Variants in PGAP1 observed in about 807,000 individuals in gnomAD.
The protein encoded by PGAP1 is post-GPI attachment to proteins inositol deacylase 1, also known as GPI inositol-deacylase.
In PGAP1, 76 loss-of-function variants were observed where a neutral mutation model predicts 127.0. That is an observed-to-expected ratio of 0.60 (90% CI 0.50 to 0.72). The LOEUF is 0.72. Ranked by LOEUF, PGAP1 falls within the 30% of genes least tolerant of loss-of-function variation. The probability of loss-of-function intolerance (pLI) is 0.00; values close to 1 mark genes in which losing one functional copy is unlikely to be tolerated. For missense variants in PGAP1, 982 were observed against 1,071.3 expected, an observed-to-expected ratio of 0.92 and a Z score of 1.16; for synonymous variants, 362 against 366.5, an observed-to-expected ratio of 0.99 and a Z score of 0.14.
At chr2:196,861,442 G>GA (rs1404259556) in intron 20 of PGAP1, among the ~76,000 whole-genome samples, 4 of 152,276 alleles carry the variant, frequency 2.6e-5, no homozygotes, top group Non-Finnish European at 4.4e-5. Context: ...TTAATAACCA[G>GA]AATATATAAG....
intron 4 of PGAP1, among the ~76,000 whole-genome samples, chr2:196,903,450 A>C (rs992565316): frequency 1.3e-5 from 2 of 150,434 alleles, no homozygotes; most frequent in Admixed American, 1.3e-4. Flanking sequence ...AGTCCCAGCT[A>C]CTCGGGAGGC....
intron 4 of PGAP1, among the ~76,000 whole-genome samples, chr2:196,906,013 G>T (rs1455994451): frequency 1.3e-5 from 1 of 75,702 alleles, no homozygotes; most frequent in Non-Finnish European, 2.8e-5. Context: ...AGGCGGCAAC[G>T]AGGCTGGGGG....
Position 196,887,393 on chromosome 2 carries a change from A to G in PGAP1, c.1174-1513T>C, listed in dbSNP as rs546116594. 3.9e-5 allele frequency among the ~76,000 whole-genome samples: 6 copies of G among 152,246 alleles called. No homozygotes were observed. The East Asian group carries it at 1.2e-3, about 29-fold the overall frequency. On this transcript the variant is annotated intron_variant, in intron 10 of 26. Coordinates refer to ENST00000354764, the MANE Select transcript of PGAP1 (RefSeq NM_024989.4). Reference sequence around the variant, plus strand: ...AGCGAGACTCCATCTCAAAAAACAAAACAAAACAAAACAAAAACAAACAAA... The same window carrying G: ...AGCGAGACTCCATCTCAAAAAACAAGACAAAACAAAACAAAAACAAACAAA...
At position 196,916,273 on chromosome 2, in the gene PGAP1, A is replaced by T. The variant is rs148722061; in HGVS notation, c.477+145T>A. On this transcript the variant is annotated intron_variant, in intron 3 of 26. Coordinates refer to ENST00000354764, the MANE Select transcript of PGAP1 (RefSeq NM_024989.4). ...CTTCAAAACCATTACGGAGGCCAAGACAACAGACTCTCACAAAAAAAATTT... is the reference window on the plus strand; with the variant it reads ...CTTCAAAACCATTACGGAGGCCAAGTCAACAGACTCTCACAAAAAAAATTT... The T allele has an allele frequency of 2.0e-3, 1,102 of 551,228 alleles. 5 individuals carry two copies. The highest frequency in any genetic ancestry group is 3.7e-3 in the Middle Eastern group (7 of 1,908). The allele number at this position is 551,228 out of a possible 1,614,324, so 34.1% of individuals were successfully genotyped here. A position where few individuals can be genotyped will look rare whatever the true frequency, so the allele number is the denominator to read the frequency against.
At chr2:196,859,725 C>G (rs1454366357) in intron 20 of PGAP1, among the ~76,000 whole-genome samples, 1 of 152,042 alleles carries the variant, frequency 6.6e-6, no homozygotes, top group Non-Finnish European at 1.5e-5. Flanking sequence ...ACAAATCAAT[C>G]AATATGATAA....
At chr2:196,842,091 A>C (rs886108766) in intron 26 of PGAP1, among the ~76,000 whole-genome samples, 10 of 151,800 alleles carry the variant, frequency 6.6e-5, no homozygotes, top group Admixed American at 5.2e-4. Context: ...TTACATTCCC[A>C]AAACAAGGAG....
intron 2 of PGAP1, among the ~76,000 whole-genome samples, chr2:196,917,183 C>G (rs553378245): frequency 6.6e-6 from 1 of 152,252 alleles, no homozygotes; most frequent in East Asian, 1.9e-4. Context: ...TCTGCTTCCA[C>G]TCTTTTTGTT....
chr2:196,924,774 T>G (rs552790939), intron 1 of PGAP1, among the ~76,000 whole-genome samples: 1 of 152,326 alleles, frequency 6.6e-6, no homozygotes, highest in East Asian at 1.9e-4. Flanking sequence ...TTCCAGTCAA[T>G]TTATGAGGCA....
intron 3 of PGAP1, among the ~76,000 whole-genome samples, chr2:196,914,548 G>C (rs975599594): frequency 2.6e-5 from 4 of 152,128 alleles, no homozygotes; most frequent in Non-Finnish European, 5.9e-5. Context: ...TTGAACCTAG[G>C]AGGAGGAGGT....
chr2:196,891,659 A>G (rs754394296), intron 9 of PGAP1, among the ~76,000 whole-genome samples: 40 of 152,126 alleles, frequency 2.6e-4, no homozygotes, highest in African/African-American at 3.4e-4. Context: ...CTTTTCCCAT[A>G]TGATTTATTC....
intron 7 of PGAP1, among the ~76,000 whole-genome samples, chr2:196,895,816 C>A (rs550506466): frequency 1.3e-5 from 2 of 152,234 alleles, no homozygotes; most frequent in South Asian, 4.1e-4. Flanking sequence ...AAAGAGGTCA[C>A]CCATACTAGT....
chr2:196,833,449 TAATC>T lies in PGAP1; in HGVS notation c.*7781_*7784del. On this transcript the variant is annotated 3_prime_UTR_variant, in exon 27 of 27. Coordinates refer to ENST00000354764, the MANE Select transcript of PGAP1 (RefSeq NM_024989.4). ...ACTTTCTGGATGGATGAGAAAAAAA[TAATC>T]AATTTGCAAACAAATGATTACTGAG... 6.6e-6 allele frequency: 1 copy of T among 152,124 alleles called. No homozygotes were observed. Among genetic ancestry groups the T allele is most frequent in the African/African-American group, 2.4e-5 (1 of 41,442 alleles). 9.4% of individuals were successfully genotyped at this position (152,124 alleles called of 1,614,324 possible). A position where few individuals can be genotyped will look rare whatever the true frequency, so the allele number is the denominator to read the frequency against.
intron 14 of PGAP1, 78 bp downstream of exon 14, chr2:196,875,668 T>C (rs1213170917): frequency 1.3e-6 from 1 of 749,568 alleles, no homozygotes; most frequent in Non-Finnish European, 2.3e-6. Context: ...CAACATTTGA[T>C]ATTACAAAGC....
Position 196,890,851 on chromosome 2 carries a change from C to G in PGAP1, c.1150G>C (p.Val384Leu), listed in dbSNP as rs1295010987. The G allele has an allele frequency of 6.5e-7, 1 of 1,544,314 alleles. No individual in the cohort carries two copies. The highest frequency in any genetic ancestry group is 9.0e-7 in the Non-Finnish European group (1 of 1,117,160). ...ACCAGCATAGTGCTCTGACAATAGA[C>G]ATGAGTGTAGATTTTTCTATGATTT... Reference protein sequence around the residue: ...LENHRKIYTHVYCQSTMLDTN... With the variant: ...LENHRKIYTHLYCQSTMLDTN... The change falls in exon 10 of 27, where the codon GTC becomes CTC. Residue 384 changes from valine to leucine, a missense_variant. Physicochemically the swap from Val to Leu is conservative, Grantham distance 32. Coordinates refer to ENST00000354764, the MANE Select transcript of PGAP1 (RefSeq NM_024989.4).
In PGAP1 at chr2:196,835,239, G is replaced by A. The variant is rs754339540; in HGVS notation, c.*5995C>T. On this transcript the variant is annotated 3_prime_UTR_variant, in exon 27 of 27. Coordinates refer to ENST00000354764, the MANE Select transcript of PGAP1 (RefSeq NM_024989.4). ...TTCCTTTAAGATACGCATATTAAAA[G>A]GTTGTACTATGTTAGGTTCCAGTGG... 6 of 151,880 alleles carry A rather than the reference G, an allele frequency of 4.0e-5. No individual in the cohort carries two copies. Among genetic ancestry groups the A allele is most frequent in the Non-Finnish European group, 7.4e-5 (5 of 67,866 alleles). 9.4% of individuals were successfully genotyped at this position (151,880 alleles called of 1,614,324 possible).
chr2:196,874,122 TA>T (rs1205767656), intron 14 of PGAP1, among the ~76,000 whole-genome samples: 3 of 151,858 alleles, frequency 2.0e-5, no homozygotes, highest in Non-Finnish European at 4.4e-5. Context: ...AAACAAAGGG[TA>T]GGGGGAAAAA....
intron 20 of PGAP1, among the ~76,000 whole-genome samples, chr2:196,849,989 T>C (rs1484572940): frequency 1.3e-5 from 2 of 152,206 alleles, no homozygotes; most frequent in Admixed American, 6.5e-5. Flanking sequence ...GACTGGCTTC[T>C]AGGTAAGTTC....
At position 196,880,095 on chromosome 2, in the gene PGAP1, G is replaced by C; in HGVS notation, c.1331C>G (p.Pro444Arg). Residue 444 changes from proline to arginine, a missense_variant, in exon 13 of 27, where the codon CCA becomes CGA. Coordinates refer to ENST00000354764, the MANE Select transcript of PGAP1 (RefSeq NM_024989.4). ...TGTTACCTTACTTCCACGAACAGAT[G>C]GTACATAAACAACAAGATGAGACAA... ...PSLSHLVVYVPSVRGSKFVVD... is the reference protein window; with the variant it reads ...PSLSHLVVYVRSVRGSKFVVD... 6.2e-7 allele frequency: 1 copy of C among 1,602,086 alleles called. No individual in the cohort carries two copies. The highest frequency in any genetic ancestry group is 1.3e-5 in the African/African-American group (1 of 74,108).
At position 196,843,920 on chromosome 2, in the gene PGAP1, C is replaced by A; in HGVS notation, c.2493G>T (p.Met831Ile). 2 of 1,539,082 alleles carry A rather than the reference C, an allele frequency of 1.3e-6. No individual in the cohort carries two copies. Among genetic ancestry groups the A allele is most frequent in the South Asian group, 1.3e-5 (1 of 78,186 alleles). Residue 831 changes from methionine to isoleucine, a missense_variant, in exon 25 of 27, where the codon ATG (methionine) becomes ATT (isoleucine). Coordinates refer to ENST00000354764, the MANE Select transcript of PGAP1 (RefSeq NM_024989.4). ...NLLTWIVLLS[M>I]PSLIYWLKNL... ...TCTTTAGCCAATAAATTAGAGAAGG[C>A]ATGCTGAGTAATACAATCCATGTTA...
Sources: gnomAD v4.1 joint callset for allele counts (sites outside exome capture counted in the v4.1 genomes callset) on GRCh38, gnomAD v4.1.1 for gene constraint, MANE v1.5 for transcripts, NCBI Gene and HGNC (gene_info 2026-07-23, HGNC 2026-07-21) for gene names.